NAALADL2: variants seen among roughly 807,000 people sequenced by gnomAD.
NAALADL2 encodes the protein N-acetylated alpha-linked acidic dipeptidase like 2, also known as inactive N-acetylated-alpha-linked acidic dipeptidase-like protein 2.
NAALADL2 carries 76 observed loss-of-function variants against 87.2 expected under a neutral mutation model. That is an observed-to-expected ratio of 0.87 (90% CI 0.72 to 1.05). NAALADL2 has a LOEUF of 1.05. Among genes scored for constraint, NAALADL2 ranks in the 50% least tolerant of loss-of-function variants. NAALADL2 has a pLI of 0.00. For missense variants in NAALADL2, 1,089 were observed against 945.8 expected (o/e 1.15, Z -1.99); for synonymous variants, 354 against 331.0 (o/e 1.07, Z -0.75).
chr3:175,385,824 A>T (rs1768314374), intron 5 of NAALADL2, among the ~76,000 whole-genome samples: 1 of 152,128 alleles, frequency 6.6e-6, no homozygotes, highest in Non-Finnish European at 1.5e-5. Flanking sequence ...AGTTATATAA[A>T]GTTATTACAT....
chr3:175,533,456 C>A (rs756362144), intron 9 of NAALADL2, among the ~76,000 whole-genome samples: 6 of 152,106 alleles, frequency 3.9e-5, no homozygotes, highest in Non-Finnish European at 7.3e-5. Context: ...TTGCCTCAGG[C>A]AGCACAGAGT....
chr3:174,649,261 C>G (rs1724117295), intron 2 of NAALADL2, among the ~76,000 whole-genome samples: 1 of 152,154 alleles, frequency 6.6e-6, no homozygotes, highest in South Asian at 2.1e-4. Context: ...CCAAGCCCAG[C>G]TGAAAACCTG....
At chr3:174,719,614 T>C (rs970251036) in intron 2 of NAALADL2, among the ~76,000 whole-genome samples, 1 of 152,236 alleles carries the variant, frequency 6.6e-6, no homozygotes, top group Non-Finnish European at 1.5e-5. Context: ...CATGACTGTT[T>C]GTTAAATCTT....
At chr3:175,407,839 C>T (rs1712683703) in intron 5 of NAALADL2, among the ~76,000 whole-genome samples, 2 of 152,218 alleles carry the variant, frequency 1.3e-5, no homozygotes, top group East Asian at 3.9e-4. Flanking sequence ...TCAGTCTTGT[C>T]GTTACAGCTT....
chr3:175,418,987 T>G (rs1321569162), intron 5 of NAALADL2, among the ~76,000 whole-genome samples: 3 of 151,888 alleles, frequency 2.0e-5, no homozygotes, highest in African/African-American at 7.2e-5. Context: ...TGTTGAGTGA[T>G]CATCACTTTT....
chr3:175,777,705 T>G (rs746396417), intron 13 of NAALADL2, among the ~76,000 whole-genome samples: 1 of 152,178 alleles, frequency 6.6e-6, no homozygotes, highest in South Asian at 2.1e-4. Flanking sequence ...CTGCCTAGGG[T>G]TGTTGGCAAA....
chr3:175,322,649 C>T (rs1457864631), intron 4 of NAALADL2, among the ~76,000 whole-genome samples: 1 of 140,446 alleles, frequency 7.1e-6, no homozygotes, highest in Non-Finnish European at 1.5e-5. Context: ...CAAGAAAAAA[C>T]AAACAACCCC....
intron 2 of NAALADL2, among the ~76,000 whole-genome samples, chr3:174,587,443 A>G (rs2108575366): frequency 6.6e-6 from 1 of 152,240 alleles, no homozygotes; most frequent in East Asian, 1.9e-4. Flanking sequence ...TATTTTGCTC[A>G]TTAGTTGATG....
At chr3:174,833,533 A>G (rs1169351431) in intron 3 of NAALADL2, among the ~76,000 whole-genome samples, 2 of 152,086 alleles carry the variant, frequency 1.3e-5, no homozygotes, top group East Asian at 3.8e-4. Context: ...AAGAGGAAAA[A>G]CTTGCCCACG....
At chr3:174,780,427 A>G (rs1245032052) in intron 3 of NAALADL2, among the ~76,000 whole-genome samples, 1 of 152,170 alleles carries the variant, frequency 6.6e-6, no homozygotes, top group Non-Finnish European at 1.5e-5. Flanking sequence ...GTCATCTGCA[A>G]ACAGAGACAA....
At chr3:174,583,374 T>C (rs905481721) in intron 2 of NAALADL2, among the ~76,000 whole-genome samples, 3 of 152,188 alleles carry the variant, frequency 2.0e-5, no homozygotes, top group East Asian at 1.9e-4. Flanking sequence ...TGGAAGGCCA[T>C]ACAGACTTGG....
intron 1 of NAALADL2, among the ~76,000 whole-genome samples, chr3:174,866,024 A>G (rs994126808): frequency 1.3e-5 from 2 of 151,922 alleles, no homozygotes; most frequent in African/African-American, 4.8e-5. Context: ...AAAAACTGTC[A>G]AGCAGGTGAC....
chr3:175,499,402 T>A (rs958033838), intron 9 of NAALADL2, among the ~76,000 whole-genome samples: 1 of 151,492 alleles, frequency 6.6e-6, no homozygotes. Flanking sequence ...ATGCTTTAAA[T>A]TTTTGTTTAA....
chr3:175,077,962 T>C (rs1716943306), intron 1 of NAALADL2, among the ~76,000 whole-genome samples: 2 of 152,068 alleles, frequency 1.3e-5, no homozygotes, highest in African/African-American at 2.4e-5. Context: ...CTATATGGAC[T>C]ACCTACACTC....
chr3:175,461,517 A>G (rs1723126572), intron 6 of NAALADL2, among the ~76,000 whole-genome samples: 1 of 152,186 alleles, frequency 6.6e-6, no homozygotes, highest in South Asian at 2.1e-4. Context: ...GAATTGGGCA[A>G]TGACCACTCT....
chr3:175,234,522 T>C (rs1355594716), intron 3 of NAALADL2, among the ~76,000 whole-genome samples: 2 of 152,186 alleles, frequency 1.3e-5, no homozygotes, highest in Non-Finnish European at 2.9e-5. Context: ...TTTAATACAC[T>C]GATATAGAGA....
At chr3:174,910,304 G>T (rs1021541600) in intron 1 of NAALADL2, among the ~76,000 whole-genome samples, 1 of 151,936 alleles carries the variant, frequency 6.6e-6, no homozygotes, top group African/African-American at 2.4e-5. Flanking sequence ...TAAAGTCTTT[G>T]TGTGTGTGTA....
intron 2 of NAALADL2, among the ~76,000 whole-genome samples, chr3:175,140,716 C>T (rs1225055402): frequency 6.6e-6 from 1 of 152,004 alleles, no homozygotes; most frequent in Non-Finnish European, 1.5e-5. Context: ...TAGACAGGGT[C>T]CTCGCTACAA....
At chr3:175,704,707 T>C (rs981929935) in intron 11 of NAALADL2, among the ~76,000 whole-genome samples, 9 of 152,240 alleles carry the variant, frequency 5.9e-5, no homozygotes, top group African/African-American at 2.2e-4. Flanking sequence ...TAAAATTGGA[T>C]ATTTTGGTGA....
Sources: gnomAD v4.1 joint callset for allele counts (sites outside exome capture counted in the v4.1 genomes callset) on GRCh38, gnomAD v4.1.1 for gene constraint, MANE v1.5 for transcripts, NCBI Gene and HGNC (gene_info 2026-07-23, HGNC 2026-07-21) for gene names.